Variants in ADORA2B observed in about 807,000 individuals in gnomAD.
The protein encoded by ADORA2B is adenosine receptor A2b.
ADORA2B carries 18 observed loss-of-function variants against 20.8 expected under a neutral mutation model. The observed-to-expected ratio is 0.87, with a 90% CI of 0.60 to 1.29. The LOEUF (loss-of-function observed/expected upper bound fraction) is 1.29, where lower values mean the gene tolerates loss of function less well. Among genes scored for constraint, ADORA2B ranks in the 50% most tolerant of loss-of-function variants. The pLI is 0.00. For missense variants in ADORA2B, 441 were observed against 422.7 expected (o/e 1.04, Z -0.38); for synonymous variants, 179 against 178.3 (o/e 1.00, Z -0.03).
chr17:15,964,223 T>C (rs1970072693), intron 1 of ADORA2B, among the ~76,000 whole-genome samples: 1 of 152,194 alleles, frequency 6.6e-6, no homozygotes, highest in Admixed American at 6.5e-5. Context: ...GTTGTTTTTG[T>C]GTAAGAATGG....
At chr17:15,892,917 A>T in the ADORA2B span, among the ~76,000 whole-genome samples, 1 of 152,208 alleles carries the variant, frequency 6.6e-6, no homozygotes, top group South Asian at 2.1e-4. Flanking sequence ...GGCAAGCGAA[A>T]GCATCTTCTA....
the ADORA2B span, among the ~76,000 whole-genome samples, chr17:15,875,021 A>G: frequency 6.6e-6 from 1 of 151,960 alleles, no homozygotes; most frequent in Non-Finnish European, 1.5e-5. Flanking sequence ...ACTTTTTATC[A>G]GTTTGTTAGT....
chr17:15,914,908 T>C, the ADORA2B span, among the ~76,000 whole-genome samples: 1 of 152,226 alleles, frequency 6.6e-6, no homozygotes, highest in Non-Finnish European at 1.5e-5. Flanking sequence ...TTCAGGTCTT[T>C]TGGGGCAACC....
upstream of ADORA2B, among the ~76,000 whole-genome samples, chr17:15,941,448 C>T (rs1969744185): frequency 1.3e-5 from 2 of 152,176 alleles, no homozygotes; most frequent in African/African-American, 4.8e-5. Flanking sequence ...ACTAAACCAG[C>T]TGGGTGTAGT....
intron 1 of ADORA2B, among the ~76,000 whole-genome samples, chr17:15,951,831 G>C (rs1291186738): frequency 1.3e-5 from 2 of 152,314 alleles, no homozygotes; most frequent in Middle Eastern, 3.4e-3. Flanking sequence ...CTGTGGACAG[G>C]TTCCCTCTGA....
At chr17:15,904,955 G>A in the ADORA2B span, among the ~76,000 whole-genome samples, 24 of 151,964 alleles carry the variant, frequency 1.6e-4, no homozygotes, top group African/African-American at 5.8e-4. Flanking sequence ...GATTAATATA[G>A]CATTATTAAA....
chr17:15,928,329 A>T, the ADORA2B span, among the ~76,000 whole-genome samples: 1 of 150,588 alleles, frequency 6.6e-6, no homozygotes, highest in South Asian at 2.1e-4. Context: ...ATGTGGGATT[A>T]GGGAGGGTGT....
At chr17:15,880,566 G>A in the ADORA2B span, among the ~76,000 whole-genome samples, 2 of 141,672 alleles carry the variant, frequency 1.4e-5, no homozygotes, top group Admixed American at 1.4e-4. Flanking sequence ...GGACTCCAAA[G>A]ACCCAGAGCA....
At chr17:15,874,060 G>GTATATATATATATATA in the ADORA2B span, among the ~76,000 whole-genome samples, 1 of 56,964 alleles carries the variant, frequency 1.8e-5, no homozygotes, top group African/African-American at 8.1e-5. Context: ...ATATATATAT[G>GTATATATATATATATA]TGTGTGTGTA....
chr17:15,888,852 T>TATA, the ADORA2B span, among the ~76,000 whole-genome samples: 4 of 19,642 alleles, frequency 2.0e-4, no homozygotes, highest in South Asian at 1.7e-3. Context: ...ATATATATAT[T>TATA]TTTTTTTTTT....
At chr17:15,857,939 T>C in the ADORA2B span, among the ~76,000 whole-genome samples, 1 of 149,108 alleles carries the variant, frequency 6.7e-6, no homozygotes, top group Non-Finnish European at 1.5e-5. Flanking sequence ...TATGGGTGAA[T>C]ATCTCCATTT....
chr17:15,865,033 T>C, the ADORA2B span, among the ~76,000 whole-genome samples: 1 of 151,712 alleles, frequency 6.6e-6, no homozygotes, highest in Non-Finnish European at 1.5e-5. Flanking sequence ...CTTTGCCTAA[T>C]TCATATAAAG....
chr17:15,915,383 T>C, the ADORA2B span, among the ~76,000 whole-genome samples: 1 of 152,148 alleles, frequency 6.6e-6, no homozygotes. Flanking sequence ...ATCTGCAGAG[T>C]CCCTTCTGCC....
At chr17:15,857,722 C>G in the ADORA2B span, among the ~76,000 whole-genome samples, 1 of 151,830 alleles carries the variant, frequency 6.6e-6, no homozygotes, top group Non-Finnish European at 1.5e-5. Flanking sequence ...CAATTTCTCC[C>G]ATTTGGAACA....
At chr17:15,851,774 T>C in the ADORA2B span, among the ~76,000 whole-genome samples, 17 of 152,166 alleles carry the variant, frequency 1.1e-4, no homozygotes, top group Non-Finnish European at 2.1e-4. Flanking sequence ...TCCTGAGATC[T>C]TCCACACATT....
intron 1 of ADORA2B, among the ~76,000 whole-genome samples, chr17:15,972,907 AC>A (rs1359890299): frequency 6.6e-6 from 1 of 152,120 alleles, no homozygotes; most frequent in Non-Finnish European, 1.5e-5. Flanking sequence ...CCACAGATAT[AC>A]ACCACCGTGC....
At chr17:15,868,207 C>T in the ADORA2B span, among the ~76,000 whole-genome samples, 1 of 137,662 alleles carries the variant, frequency 7.3e-6, no homozygotes, top group Admixed American at 7.3e-5. Flanking sequence ...ACTCCCTAAT[C>T]TCAAGCACCC....
chr17:15,974,441 G>C (rs1387513008), intron 1 of ADORA2B: 2 of 469,068 alleles, frequency 4.3e-6, no homozygotes, highest in Non-Finnish European at 7.6e-6. Flanking sequence ...TGGCCATCCT[G>C]TGTCACTAAA....
chr17:15,969,295 A>T (rs1384869673), intron 1 of ADORA2B, among the ~76,000 whole-genome samples: 1 of 149,130 alleles, frequency 6.7e-6, no homozygotes, highest in African/African-American at 2.6e-5. Context: ...CTAAAAATAC[A>T]AAAAAAGAAA....
Sources: gnomAD v4.1 joint callset for allele counts (sites outside exome capture counted in the v4.1 genomes callset) on GRCh38, gnomAD v4.1.1 for gene constraint, MANE v1.5 for transcripts, NCBI Gene and HGNC (gene_info 2026-07-23, HGNC 2026-07-21) for gene names.